Variants in STARD3 observed in about 807,000 individuals in gnomAD.
STARD3 encodes the protein StAR related lipid transfer domain containing 3.
STARD3 carries 39 observed loss-of-function variants against 62.0 expected under a neutral mutation model. The observed-to-expected ratio is 0.63, with a 90% CI of 0.49 to 0.82. The LOEUF (loss-of-function observed/expected upper bound fraction) is 0.82. Among genes scored for constraint, STARD3 ranks in the 40% least tolerant of loss-of-function variants. The probability of loss-of-function intolerance (pLI) is 0.00; values close to 1 mark genes in which losing one functional copy is unlikely to be tolerated. For synonymous variants in STARD3, 229 were observed against 242.4 expected (o/e 0.94, Z 0.51); for missense variants, 543 against 584.5 (o/e 0.93, Z 0.73).
chr17:39,644,453 C>T (rs2144912701), intron 1 of STARD3, among the ~76,000 whole-genome samples: 1 of 152,106 alleles, frequency 6.6e-6, no homozygotes, highest in East Asian at 1.9e-4. Flanking sequence ...TTTGGTGCCC[C>T]CAGACAGCCC....
intron 13 of STARD3, 60 bp from the exon 14 acceptor site, chr17:39,662,190 CG>C (rs140871738): frequency 3.2e-5 from 47 of 1,470,890 alleles, no homozygotes; most frequent in Admixed American, 1.3e-4. Flanking sequence ...GTAGGGGCTG[CG>C]GGGGGGTGTC....
intron 5 of STARD3, 63 bp downstream of exon 5, chr17:39,658,089 AGG>A: frequency 6.6e-7 from 1 of 1,516,260 alleles, no homozygotes; most frequent in Non-Finnish European, 9.0e-7. Flanking sequence ...GCTTCTAGAG[AGG>A]AGCATTTCTC....
chr17:39,638,571 G>T (rs994524302), intron 1 of STARD3, among the ~76,000 whole-genome samples: 1 of 152,074 alleles, frequency 6.6e-6, no homozygotes, highest in African/African-American at 2.4e-5. Flanking sequence ...GTTTTTCAGC[G>T]CAGGCAGCGC....
intron 1 of STARD3, among the ~76,000 whole-genome samples, chr17:39,642,157 G>A (rs1196103218): frequency 6.6e-6 from 1 of 152,260 alleles, no homozygotes; most frequent in Admixed American, 6.5e-5. Flanking sequence ...CCAATGATCA[G>A]CAGAGTAGAG....
At chr17:39,647,508 C>T (rs908211797) in intron 1 of STARD3, among the ~76,000 whole-genome samples, 4 of 152,146 alleles carry the variant, frequency 2.6e-5, no homozygotes, top group African/African-American at 4.8e-5. Flanking sequence ...TGGAGGCCTG[C>T]GCTAGCTGTG....
In STARD3 at chr17:39,658,126, G is replaced by T. The variant is rs1173213027; in HGVS notation, c.429+100G>T. ...CTAATTTGGGGTGTCTGTCCCTGTT[G>T]TCCGGGTTAGGGGGAGAGGGAATCC... On this transcript the variant is annotated intron_variant, in intron 5 of 14. Coordinates refer to ENST00000336308, the MANE Select transcript of STARD3 (RefSeq NM_006804.4). 2.3e-6 allele frequency: 3 copies of T among 1,332,120 alleles called. No individual in the cohort carries two copies. Among genetic ancestry groups the T allele is most frequent in the East Asian group, 2.5e-5 (1 of 40,062 alleles). 82.5% of individuals were successfully genotyped at this position (1,332,120 alleles called of 1,614,324 possible).
intron 4 of STARD3, 55 bp downstream of exon 4, chr17:39,657,907 A>G: frequency 6.2e-7 from 1 of 1,613,198 alleles, no homozygotes; most frequent in Non-Finnish European, 8.5e-7. Flanking sequence ...GGTGGAAGGG[A>G]TGGGATGGAG....
chr17:39,658,283 C>CA, intron 5 of STARD3, 122 bp from the exon 6 acceptor site: 1 of 950,672 alleles, frequency 1.1e-6, no homozygotes, highest in Non-Finnish European at 1.6e-6. Flanking sequence ...AGAGGGTTCC[C>CA]AAGCAGCTGC....
At position 39,662,190 on chromosome 17, in the gene STARD3, C is replaced by CG. The variant is rs140871738; in HGVS notation, c.1140-54dup. On this transcript the variant is annotated intron_variant, in intron 13 of 14. Transcript: ENST00000336308. ...AATGGAGTGTGAGTGGTAGGGGCTG[C>CG]GGGGGGGTGTCAGGGCCTCACTCTG... The CG allele has an allele frequency of 2.9e-3, 4,314 of 1,471,092 alleles. 114 individuals carry two copies. In the African/African-American group the frequency reaches 0.053, roughly 18 times the overall value. 91.1% of individuals were successfully genotyped at this position (1,471,092 alleles called of 1,614,324 possible).
Position 39,658,018 on chromosome 17 carries a change from C to G in STARD3, c.421C>G (p.Leu141Val), listed in dbSNP as rs918338579. Residue 141 changes from leucine to valine, a missense_variant, in exon 5 of 15, where the codon CTC becomes GTC. Transcript: ENST00000336308. ...TGCATTCCTCATTGTCAAGGTCATC[C>G]TCTCTGAGGTCAGTGGCTCAGGGTC... ...SSAFLIVKVI[L>V]SELLSKGAFG... The G allele has an allele frequency of 6.4e-7, 1 of 1,559,836 alleles. No homozygotes were observed. The highest frequency in any genetic ancestry group is 8.7e-7 in the Non-Finnish European group (1 of 1,151,696).
rs1215741230 is a variant in STARD3 at position 39,657,048 on chromosome 17, T to C, written c.260T>C (p.Ile87Thr). 1 of 1,614,086 alleles carries C rather than the reference T, an allele frequency of 6.2e-7. No homozygotes were observed. Among genetic ancestry groups the C allele is most frequent in the Non-Finnish European group, 8.5e-7 (1 of 1,180,042 alleles). The change falls in exon 3 of 15, where the codon ATC becomes ACC. Residue 87 changes from isoleucine (I) to threonine (T), a missense_variant. Transcript: ENST00000336308. ...CGTAAGAACTTGGAGCAGGAGATCA[T>C]CCAGTACAACTTTAAAACTTCCTTC... ...GIRKNLEQEI[I>T]QYNFKTSFFD...
chr17:39,656,293 G>A (rs1382058836), intron 2 of STARD3, among the ~76,000 whole-genome samples: 3 of 152,126 alleles, frequency 2.0e-5, no homozygotes, highest in Non-Finnish European at 2.9e-5. Context: ...GGTGGCTGGT[G>A]CCCCACCTGA....
rs2057180284 is a variant in STARD3, at chr17:39,660,238, G to A, written c.823G>A (p.Glu275Lys). 1.2e-6 allele frequency: 2 copies of A among 1,614,086 alleles called. No individual in the cohort carries two copies. The highest frequency in any genetic ancestry group is 1.7e-6 in the Non-Finnish European group (2 of 1,180,034). ...NEYGDTVYTI[E>K]VPFHGKTFIL... Reference sequence around the variant, plus strand: ...ATATGGGGACACCGTGTACACCATTGAAGTTCCCTTTCACGGCAAGACGTT... The same window carrying A: ...ATATGGGGACACCGTGTACACCATTAAAGTTCCCTTTCACGGCAAGACGTT... Residue 275 changes from glutamate to lysine, a missense_variant, in exon 10 of 15, where the codon GAA becomes AAA. Glu to Lys is a moderately conservative substitution (Grantham distance 56). Coordinates refer to ENST00000336308, the MANE Select transcript of STARD3 (RefSeq NM_006804.4). This position sits in a 1 kb window ranked among gnomAD's most constrained non-coding sequence, Gnocchi z 4.8.
At chr17:39,658,087 A>G in intron 5 of STARD3, 61 bp downstream of exon 5, 1 of 1,507,756 alleles carries the variant, frequency 6.6e-7, no homozygotes, top group African/African-American at 1.4e-5. Flanking sequence ...ATGCTTCTAG[A>G]GAGGAGCATT....
In STARD3 at chr17:39,659,070, TGAA is replaced by T. The variant is rs370888658; in HGVS notation, c.671_673del (p.Glu224del). 4.6e-4 allele frequency: 745 copies of T among 1,614,140 alleles called. 5 individuals carry two copies. The Admixed American group carries it at 8.2e-3, about 18-fold the overall frequency. ...CTGCAGGGTCTGACAATGAATCAGA[TGAA>T]GAAGTTGCTGGGAAGAAAAGTTTCT... is the stretch of plus-strand genomic sequence containing the variant. On this transcript the variant is annotated inframe_deletion, in exon 8 of 15. Transcript: ENST00000336308.
intron 1 of STARD3, among the ~76,000 whole-genome samples, chr17:39,644,230 C>T (rs537069531): frequency 2.6e-5 from 4 of 152,270 alleles, no homozygotes; most frequent in African/African-American, 7.2e-5. Flanking sequence ...ACTTGTTCCC[C>T]CTCCCCCTGA....
intron 1 of STARD3, among the ~76,000 whole-genome samples, chr17:39,645,065 C>A (rs535295447): frequency 6.6e-6 from 1 of 152,116 alleles, no homozygotes; most frequent in African/African-American, 2.4e-5. Flanking sequence ...GAGTGGGAGG[C>A]GGCTTAGCCA....
rs2057160562 is a variant in STARD3 at position 39,658,740 on chromosome 17, T to C, written c.566T>C (p.Val189Ala). 6.2e-7 allele frequency: 1 copy of C among 1,613,832 alleles called. No homozygotes were observed. The highest frequency in any genetic ancestry group is 1.1e-5 in the South Asian group (1 of 91,082). ...CCTCCAGGGTATCTTGCCGCCCAGG[T>C]TGCTGTTGCCCGTGGACCCCTGCTG... ...EEERWYLAAQ[V>A]AVARGPLLFS... The change falls in exon 7 of 15, where the codon GTT becomes GCT. Residue 189 changes from valine (V) to alanine (A), a missense_variant. By Grantham distance (64) the Val-to-Ala change is moderately conservative (BLOSUM62 0). Coordinates refer to ENST00000336308, the MANE Select transcript of STARD3 (RefSeq NM_006804.4).
chr17:39,659,633 C>A, intron 9 of STARD3, 80 bp downstream of exon 9: 1 of 1,465,186 alleles, frequency 6.8e-7, no homozygotes, highest in Non-Finnish European at 9.5e-7. Context: ...AGGAAGAAAC[C>A]CAAAGATTAC....
Sources: gnomAD v4.1 joint callset for allele counts (sites outside exome capture counted in the v4.1 genomes callset) on GRCh38, gnomAD v4.1.1 for gene constraint, Gnocchi (gnomAD v3.1) non-coding constraint, MANE v1.5 for transcripts, NCBI Gene and HGNC (gene_info 2026-07-23, HGNC 2026-07-21) for gene names.